The following TERF1 variants were observed in gnomAD, a reference collection of about 807,000 sequenced individuals.
The protein encoded by TERF1 is telomeric repeat-binding factor 1.
In TERF1, 20 loss-of-function variants were observed where a neutral mutation model predicts 55.1. The observed-to-expected ratio is 0.36, with a 90% confidence interval of 0.26 to 0.53. The LOEUF (loss-of-function observed/expected upper bound fraction) is 0.53. Among genes scored for constraint, TERF1 ranks in the 20% least tolerant of loss-of-function variants. TERF1 has a pLI of 0.91. For synonymous variants in TERF1, 168 were observed against 181.2 expected, an observed-to-expected ratio of 0.93 and a Z score of 0.59; for missense variants, 439 against 535.7, an observed-to-expected ratio of 0.82 and a Z score of 1.78.
At chr8:73,026,636 TA>T (rs1486914329) in intron 5 of TERF1, among the ~76,000 whole-genome samples, 9 of 94,986 alleles carry the variant, frequency 9.5e-5, no homozygotes, top group African/African-American at 2.6e-4. Context: ...CTAGAATTTT[TA>T]TTTTTTTTTT....
rs571102454 is a variant in TERF1 at position 73,037,057 on chromosome 8, T to C, written c.1040-2059T>C. On this transcript the variant is annotated intron_variant, in intron 8 of 9. Transcript: ENST00000276603. ...ATATATAATGTACATAATATATAAT[T>C]ATAATATATATAATAATTATACTAC... 1.9e-3 allele frequency among the ~76,000 whole-genome samples: 260 copies of C among 137,248 alleles called. 1 individual carries two copies. The highest frequency in any genetic ancestry group is 6.3e-3 in the African/African-American group (235 of 37,090). The allele number at this position is 137,248 out of a possible 152,430, so 90.0% of individuals were successfully genotyped here. A position where few individuals can be genotyped will look rare whatever the true frequency, so the allele number is the denominator to read the frequency against.
chr8:73,040,001 C>CTT (rs33975806), intron 9 of TERF1, among the ~76,000 whole-genome samples: 2,756 of 114,338 alleles, frequency 0.024, 133 homozygotes, highest in African/African-American at 0.085. Context: ...TCGAAGGTGC[C>CTT]TTTTTTTTTT....
intron 6 of TERF1, 139 bp from the exon 7 acceptor site, chr8:73,030,197 A>G: frequency 1.8e-6 from 1 of 556,418 alleles, no homozygotes; most frequent in Non-Finnish European, 3.1e-6. Flanking sequence ...AATGGACTGT[A>G]TATGTCCCGA....
rs1161585208 is a variant in TERF1, at chr8:73,046,376, C to T, written c.*239C>T. 1.0e-5 allele frequency: 3 copies of T among 292,900 alleles called. No individual in the cohort carries two copies. The highest frequency in any genetic ancestry group is 1.3e-5 in the Non-Finnish European group (2 of 159,778). 18.1% of individuals were successfully genotyped at this position (292,900 alleles called of 1,614,324 possible). A position where few individuals can be genotyped will look rare whatever the true frequency, so the allele number is the denominator to read the frequency against. On this transcript the variant is annotated 3_prime_UTR_variant, in exon 10 of 10. Coordinates refer to ENST00000276603, the MANE Select transcript of TERF1 (RefSeq NM_017489.3). The stretch of plus-strand genomic sequence containing the variant: ...TGTTGAACCCTGCCACATTTAGTAT[C>T]CCCACCCCCAAATCCTGTTCCAATG...
chr8:73,028,669 T>G (rs1239725007), intron 6 of TERF1, among the ~76,000 whole-genome samples: 4 of 150,634 alleles, frequency 2.7e-5, no homozygotes, highest in Non-Finnish European at 5.9e-5. Flanking sequence ...CACAGAAGCT[T>G]TGTTCCTTCT....
intron 9 of TERF1, among the ~76,000 whole-genome samples, chr8:73,042,579 T>G (rs1040716953): frequency 8.5e-5 from 13 of 152,216 alleles, no homozygotes; most frequent in Non-Finnish European, 1.8e-4. Context: ...CCTCCTTTTA[T>G]AAACTTATTC....
At chr8:73,038,064 G>GTAGA (rs540855911) in intron 8 of TERF1, among the ~76,000 whole-genome samples, 1 of 149,162 alleles carries the variant, frequency 6.7e-6, no homozygotes, top group Admixed American at 6.9e-5. Context: ...AAGTAGATAG[G>GTAGA]TAGATAGATA....
At chr8:73,028,341 C>G (rs899560822) in intron 6 of TERF1, among the ~76,000 whole-genome samples, 1 of 152,196 alleles carries the variant, frequency 6.6e-6, no homozygotes, top group Non-Finnish European at 1.5e-5. Context: ...CCTCACACAT[C>G]CAGCTGCTCT....
intron 9 of TERF1, among the ~76,000 whole-genome samples, chr8:73,044,690 A>T (rs1809966102): frequency 6.6e-6 from 1 of 152,118 alleles, no homozygotes; most frequent in African/African-American, 2.4e-5. Flanking sequence ...CGTACTCCTT[A>T]AACAGTAAGT....
intron 8 of TERF1, 86 bp from the exon 9 acceptor site, chr8:73,039,030 G>A (rs899277824): frequency 5.0e-6 from 5 of 1,000,752 alleles, no homozygotes; most frequent in Middle Eastern, 3.3e-4. Flanking sequence ...CTTAGAAAAG[G>A]AATTTCATTA....
intron 1 of TERF1, 25 bp from the exon 2 acceptor site, chr8:73,013,870 A>G (rs755416832): frequency 6.6e-7 from 1 of 1,522,486 alleles, no homozygotes; most frequent in South Asian, 1.2e-5. Context: ...TGATTTTAAT[A>G]AAATTTACTT....
intron 7 of TERF1, 26 bp from the exon 8 acceptor site, chr8:73,032,016 T>C (rs899180397): frequency 1.3e-6 from 2 of 1,545,334 alleles, no homozygotes; most frequent in African/African-American, 2.7e-5. Context: ...CTGGAGCCAA[T>C]TACAAACTTT....
At chr8:73,036,914 A>G (rs1454077063) in intron 8 of TERF1, among the ~76,000 whole-genome samples, 1 of 140,218 alleles carries the variant, frequency 7.1e-6, no homozygotes, top group African/African-American at 2.6e-5. Context: ...TCTTTCTGTT[A>G]CTGATTTTTA....
intron 8 of TERF1, among the ~76,000 whole-genome samples, chr8:73,035,960 C>A: frequency 6.6e-6 from 1 of 152,180 alleles, no homozygotes; most frequent in Non-Finnish European, 1.5e-5. Flanking sequence ...TTTATAGATA[C>A]AAAAGGTAGA....
intron 2 of TERF1, 119 bp from the exon 3 acceptor site, chr8:73,020,565 A>G (rs1037417647): frequency 7.8e-5 from 55 of 706,568 alleles, no homozygotes; most frequent in Non-Finnish European, 1.1e-4. Context: ...TGGTATAAAC[A>G]AGAAGAGTAC....
At chr8:73,035,796 G>A (rs1256781632) in intron 8 of TERF1, among the ~76,000 whole-genome samples, 3 of 152,090 alleles carry the variant, frequency 2.0e-5, no homozygotes, top group Non-Finnish European at 2.9e-5. Flanking sequence ...CAGTATATAT[G>A]TCAAAATCCC....
chr8:73,040,208 C>G (rs964486704), intron 9 of TERF1, among the ~76,000 whole-genome samples: 9 of 152,018 alleles, frequency 5.9e-5, no homozygotes, highest in African/African-American at 2.2e-4. Flanking sequence ...CCTTTTTTAG[C>G]CTTGCCATCT....
chr8:73,015,891 G>T (rs1808482238), intron 2 of TERF1, among the ~76,000 whole-genome samples: 1 of 151,906 alleles, frequency 6.6e-6, no homozygotes, highest in South Asian at 2.1e-4. Context: ...TAAAATAGGT[G>T]GAATTAATTT....
Position 73,040,066 on chromosome 8 carries a change from C to T in TERF1, c.1143+847C>T, listed in dbSNP as rs528328209. 2.8e-5 allele frequency among the ~76,000 whole-genome samples: 4 copies of T among 140,800 alleles called. No homozygotes were observed. The East Asian group carries it at 8.4e-4, about 30-fold the overall frequency. The allele number at this position is 140,800 out of a possible 152,430, so 92.4% of individuals were successfully genotyped here. A position where few individuals can be genotyped will look rare whatever the true frequency, so the allele number is the denominator to read the frequency against. ...CATACTGAGGTGCTGCAGATAGTGT[C>T]AAGTTGCACGCTACTCGGAATATCT... On this transcript the variant is annotated intron_variant, in intron 9 of 9. Transcript: ENST00000276603.
Sources: allele counts gnomAD v4.1 joint callset (sites outside exome capture counted in the v4.1 genomes callset), GRCh38; gene constraint gnomAD v4.1.1; transcripts MANE v1.5; gene names NCBI Gene and HGNC (gene_info 2026-07-23, HGNC 2026-07-21).